TBC1D4: variants seen among roughly 807,000 people sequenced by gnomAD.
The protein encoded by TBC1D4 is TBC1 domain family member 4, also known as TBC (Tre-2, BUB2, CDC16) domain-containing protein.
TBC1D4 carries 121 observed loss-of-function variants against 142.5 expected under a neutral mutation model. The observed-to-expected ratio is 0.85, with a 90% CI of 0.73 to 0.99. The LOEUF (loss-of-function observed/expected upper bound fraction) is 0.99. Ranked by LOEUF, TBC1D4 falls within the 50% of genes least tolerant of loss-of-function variation. The probability of loss-of-function intolerance (pLI) is 0.00; values close to 1 mark genes in which losing one functional copy is unlikely to be tolerated. For synonymous variants in TBC1D4, 630 were observed against 628.2 expected (o/e 1.00, Z -0.04); for missense variants, 1,475 against 1,606.6 (o/e 0.92, Z 1.40).
At chr13:75,311,827 A>G (rs1468986363) in intron 13 of TBC1D4, among the ~76,000 whole-genome samples, 1 of 152,226 alleles carries the variant, frequency 6.6e-6, no homozygotes, top group Non-Finnish European at 1.5e-5. Context: ...GGACAGGTAC[A>G]TAATTACATT....
chr13:75,391,623 C>G (rs1427861345), intron 1 of TBC1D4, among the ~76,000 whole-genome samples: 1 of 152,206 alleles, frequency 6.6e-6, no homozygotes, highest in Non-Finnish European at 1.5e-5. Context: ...TCCTTCTCAT[C>G]TCTCAGAACT....
chr13:75,326,233 G>T lies in TBC1D4; in HGVS notation c.1997C>A (p.Ser666Tyr). 9.3e-6 allele frequency: 15 copies of T among 1,614,138 alleles called. No individual in the cohort carries two copies. Among genetic ancestry groups the T allele is most frequent in the Non-Finnish European group, 1.3e-5 (15 of 1,180,028 alleles). ...LQDGRAQGVR[S>Y]PLLRQSSSEQ... ...ACTGGAGCTCTGCCTCAGCAGAGGGGAACGCACACCCTGAGCCCTCCCATC... is the reference window on the plus strand; with the variant it reads ...ACTGGAGCTCTGCCTCAGCAGAGGGTAACGCACACCCTGAGCCCTCCCATC... Residue 666 changes from serine to tyrosine, a missense_variant, in exon 10 of 21, where the codon TCC (serine) becomes TAC (tyrosine). Physicochemically the swap from Ser to Tyr is moderately radical, Grantham distance 144 (BLOSUM62 -2). Around this residue, in one of 2 missense-constraint regions of TBC1D4, gnomAD observed 1,227 missense variants for 1,267.7 expected, o/e 0.97. Transcript: ENST00000377636.
intron 1 of TBC1D4, among the ~76,000 whole-genome samples, chr13:75,469,424 A>C (rs982803043): frequency 2.0e-5 from 3 of 152,110 alleles, no homozygotes; most frequent in African/African-American, 7.2e-5. Context: ...GCAAAAGATA[A>C]GGTAGTGAGA....
chr13:75,299,692 G>C, intron 16 of TBC1D4, 118 bp from the exon 17 acceptor site: 1 of 1,244,556 alleles, frequency 8.0e-7, no homozygotes, highest in Non-Finnish European at 1.1e-6. Context: ...AAACCAGTGA[G>C]AGTTGCTTAG....
In TBC1D4 at chr13:75,456,517, A is replaced by T. The variant is rs555835317; in HGVS notation, c.498+24753T>A. On this transcript the variant is annotated intron_variant, in intron 1 of 20. Coordinates refer to ENST00000377636, the MANE Select transcript of TBC1D4 (RefSeq NM_014832.5). ...GAACAAGCACTTCACAAAAGATAACATCCAAATGGCCAATGCATATGAAAA... is the reference window on the plus strand; with the variant it reads ...GAACAAGCACTTCACAAAAGATAACTTCCAAATGGCCAATGCATATGAAAA... Among the ~76,000 whole-genome samples the T allele has an allele frequency of 2.6e-5, 4 of 152,126 alleles. No individual in the cohort carries two copies. In the South Asian group the frequency reaches 8.3e-4, roughly 32 times the overall value.
intron 1 of TBC1D4, among the ~76,000 whole-genome samples, chr13:75,405,046 A>C (rs1487993592): frequency 6.6e-6 from 1 of 152,158 alleles, no homozygotes; most frequent in African/African-American, 2.4e-5. Flanking sequence ...TTCCCCTGAC[A>C]TCTTTCTTAT....
rs1218085406 is a variant in TBC1D4, at chr13:75,400,809, A to G, written c.499-38202T>C. Among the ~76,000 whole-genome samples, 3 of 152,014 alleles carry G rather than the reference A, an allele frequency of 2.0e-5. No homozygotes were observed. The East Asian group carries it at 5.8e-4, about 29-fold the overall frequency. On this transcript the variant is annotated intron_variant, in intron 1 of 20. Transcript: ENST00000377636. ...AGCACTAGCTCTCCAGCACACACAC[A>G]TAGAGTGAAATTCCTCACAAGGACA...
intron 18 of TBC1D4, among the ~76,000 whole-genome samples, chr13:75,294,193 C>A (rs1480700228): frequency 1.3e-5 from 2 of 152,136 alleles, no homozygotes; most frequent in Non-Finnish European, 2.9e-5. Context: ...CCAAAGGGGA[C>A]ATAAACCATG....
At chr13:75,332,626 G>A (rs1327276374) in intron 8 of TBC1D4, among the ~76,000 whole-genome samples, 1 of 152,020 alleles carries the variant, frequency 6.6e-6, no homozygotes, top group Non-Finnish European at 1.5e-5. Flanking sequence ...AGTAGGTCTG[G>A]GGTGAGGACC....
rs746692909 is a variant in TBC1D4 at position 75,481,604 on chromosome 13, A to C, written c.164T>G (p.Leu55Arg). The C allele has an allele frequency of 6.2e-7, 1 of 1,608,360 alleles. No homozygotes were observed. The change falls in exon 1 of 21, where the codon CTG becomes CGG. Residue 55 changes from leucine to arginine, a missense_variant. Leu to Arg is a moderately radical substitution (Grantham distance 102). Coordinates refer to ENST00000377636, the MANE Select transcript of TBC1D4 (RefSeq NM_014832.5). ...CLDHRTTLPMLPWLMAEIRRR... is the reference protein window; with the variant it reads ...CLDHRTTLPMRPWLMAEIRRR... ...GCGGATCTCGGCCATGAGCCAGGGCAGCATAGGCAGCGTGGTCCTGTGGTC... is the reference window on the plus strand; with the variant it reads ...GCGGATCTCGGCCATGAGCCAGGGCCGCATAGGCAGCGTGGTCCTGTGGTC...
intron 16 of TBC1D4, among the ~76,000 whole-genome samples, chr13:75,301,117 A>G (rs1489657027): frequency 2.6e-5 from 4 of 152,194 alleles, no homozygotes; most frequent in Non-Finnish European, 5.9e-5. Context: ...GACCCCAAAC[A>G]TAAGGTAATC....
At chr13:75,308,241 A>G (rs1441251011) in intron 14 of TBC1D4, among the ~76,000 whole-genome samples, 1 of 152,252 alleles carries the variant, frequency 6.6e-6, no homozygotes, top group Non-Finnish European at 1.5e-5. Flanking sequence ...AATGTATTCT[A>G]AATGTCACCT....
At chr13:75,370,230 C>T (rs545387402) in intron 1 of TBC1D4, among the ~76,000 whole-genome samples, 7 of 152,148 alleles carry the variant, frequency 4.6e-5, no homozygotes, top group East Asian at 3.9e-4. Context: ...TGAGTGAGCA[C>T]GCGATTATGG....
At chr13:75,346,610 G>A (rs1329525930) in intron 5 of TBC1D4, among the ~76,000 whole-genome samples, 8 of 152,102 alleles carry the variant, frequency 5.3e-5, no homozygotes, top group Admixed American at 5.2e-4. Context: ...ATAAACATAC[G>A]TGTGCATGTG....
chr13:75,481,618 G>A lies in TBC1D4; in HGVS notation c.150C>T (p.Thr50=). 1.2e-6 allele frequency: 2 copies of A among 1,608,432 alleles called. No homozygotes were observed. The highest frequency in any genetic ancestry group is 1.7e-6 in the Non-Finnish European group (2 of 1,177,738). ...TGAGCCAGGGCAGCATAGGCAGCGT[G>A]GTCCTGTGGTCCAGGCACGACCCCC... ...YVGGSCLDHR[T]TLPMLPWLMA... Residue 50 remains threonine, a synonymous_variant, in exon 1 of 21, where the codon ACC becomes ACT. Coordinates refer to ENST00000377636, the MANE Select transcript of TBC1D4 (RefSeq NM_014832.5).
chr13:75,426,458 A>G (rs1464632392), intron 1 of TBC1D4, among the ~76,000 whole-genome samples: 1 of 152,228 alleles, frequency 6.6e-6, no homozygotes, highest in East Asian at 1.9e-4. Context: ...GTTATTGGCT[A>G]TATCAAAGAC....
chr13:75,287,048 T>A (rs1333651515), intron 20 of TBC1D4, 23 bp from the exon 21 acceptor site: 1 of 1,585,364 alleles, frequency 6.3e-7, no homozygotes, highest in Admixed American at 1.7e-5. Flanking sequence ...GAAAAAATCC[T>A]CCAAATCAAA....
rs759366495 is a variant in TBC1D4, at chr13:75,287,039, A to G, written c.3664-14T>C. On this transcript the variant is annotated splice_polypyrimidine_tract_variant and intron_variant, in intron 20 of 20. Transcript: ENST00000377636. Reference sequence around the variant, plus strand: ...AGTATGAGCTACCTGTTTGGGGGGGAAAAAATCCTCCAAATCAAATGATTC... The same window carrying G: ...AGTATGAGCTACCTGTTTGGGGGGGGAAAAATCCTCCAAATCAAATGATTC... 42 of 1,556,628 alleles carry G rather than the reference A, an allele frequency of 2.7e-5. 1 individual carries two copies. In the East Asian group the frequency reaches 3.6e-4, roughly 13 times the overall value.
intron 1 of TBC1D4, among the ~76,000 whole-genome samples, chr13:75,401,859 G>C (rs1885110003): frequency 1.3e-5 from 2 of 152,266 alleles, no homozygotes; most frequent in South Asian, 4.1e-4. Flanking sequence ...CCTGGAGACT[G>C]GAACATTTGT....
Sources: allele counts gnomAD v4.1 joint callset (sites outside exome capture counted in the v4.1 genomes callset), GRCh38; gene constraint gnomAD v4.1.1; regional missense constraint gnomAD v4.1.1; transcripts MANE v1.5; gene names NCBI Gene and HGNC (gene_info 2026-07-23, HGNC 2026-07-21).